Variants in ZNF292 observed in about 807,000 individuals in gnomAD.
The protein encoded by ZNF292 is zinc finger protein 292, also known as 16 zinc-finger domain protein.
ZNF292 carries 26 observed loss-of-function variants against 217.9 expected under a neutral mutation model. The observed-to-expected ratio is 0.12, with a 90% CI of 0.09 to 0.17. The LOEUF (loss-of-function observed/expected upper bound fraction) is 0.17, where lower values mean the gene tolerates loss of function less well. Among genes scored for constraint, ZNF292 ranks in the 10% least tolerant of loss-of-function variants. The pLI is 1.00. For missense variants in ZNF292, 2,904 were observed against 3,175.2 expected, an observed-to-expected ratio of 0.91 and a Z score of 2.05; for synonymous variants, 1,257 against 1,124.1, an observed-to-expected ratio of 1.12 and a Z score of -2.37.
chr6:87,208,002 G>A (rs1582420759), intron 1 of ZNF292, among the ~76,000 whole-genome samples: 1 of 152,104 alleles, frequency 6.6e-6, no homozygotes, highest in South Asian at 2.1e-4. Flanking sequence ...CTGAAAAAAT[G>A]TGCCTAGAAG....
chr6:87,220,383 A>C (rs1298672186), intron 4 of ZNF292, among the ~76,000 whole-genome samples: 1 of 152,120 alleles, frequency 6.6e-6, no homozygotes, highest in Admixed American at 6.6e-5. Flanking sequence ...AAAAGATAGG[A>C]TCCTTATTGT....
chr6:87,233,708 C>T, intron 5 of ZNF292, 181 bp downstream of exon 5: 6 of 906,176 alleles, frequency 6.6e-6, no homozygotes, highest in Non-Finnish European at 6.6e-6. Context: ...TATATGTAAA[C>T]TGATTGCACC....
chr6:87,255,418 A>G lies in ZNF292; in HGVS notation c.1789A>G (p.Lys597Glu), dbSNP rs1775154856. ...HVTLHVKQSS[K>E]ERLAAMKPLR... is the part of the protein sequence containing the mutation. ...CACACTGCATGTTAAACAATCTAGTAAAGAGAGACTAGCAGCTATGAAACC... is the reference window on the plus strand; with the variant it reads ...CACACTGCATGTTAAACAATCTAGTGAAGAGAGACTAGCAGCTATGAAACC... The change falls in exon 8 of 8, where the codon AAA (lysine) becomes GAA (glutamate). Residue 597 changes from lysine to glutamate, a missense_variant. Coordinates refer to ENST00000369577, the MANE Select transcript of ZNF292 (RefSeq NM_015021.3). The G allele has an allele frequency of 1.2e-6, 2 of 1,613,710 alleles. No individual in the cohort carries two copies. Among genetic ancestry groups the G allele is most frequent in the South Asian group, 1.1e-5 (1 of 91,070 alleles).
intron 1 of ZNF292, among the ~76,000 whole-genome samples, chr6:87,176,592 G>A (rs929095327): frequency 6.6e-6 from 1 of 152,128 alleles, no homozygotes; most frequent in African/African-American, 2.4e-5. Flanking sequence ...TTTTGGGGTA[G>A]CATTTACTGA....
In ZNF292 at chr6:87,235,219, T is replaced by C. The variant is rs190989425; in HGVS notation, c.741+1692T>C. Among the ~76,000 whole-genome samples, 13 of 126,884 alleles carry C rather than the reference T, an allele frequency of 1.0e-4. No individual in the cohort carries two copies. The Admixed American group carries it at 1.1e-3, about 11-fold the overall frequency. 83.2% of individuals were successfully genotyped at this position (126,884 alleles called of 152,430 possible). A position where few individuals can be genotyped will look rare whatever the true frequency, so the allele number is the denominator to read the frequency against. On this transcript the variant is annotated intron_variant, in intron 5 of 7. Coordinates refer to ENST00000369577, the MANE Select transcript of ZNF292 (RefSeq NM_015021.3). Reference sequence around the variant, plus strand: ...TAATTTGCAGATGTATAAAATTTATTGAAATCACCTTTGACGTGTTGTAAC... The same window carrying C: ...TAATTTGCAGATGTATAAAATTTATCGAAATCACCTTTGACGTGTTGTAAC...
chr6:87,192,372 T>A (rs1057206196), intron 1 of ZNF292, among the ~76,000 whole-genome samples: 4 of 152,020 alleles, frequency 2.6e-5, no homozygotes, highest in Non-Finnish European at 4.4e-5. Context: ...TGGTTTTTTT[T>A]TTTTAACCCT....
intron 4 of ZNF292, among the ~76,000 whole-genome samples, chr6:87,227,444 A>G (rs1314553819): frequency 6.6e-6 from 1 of 152,090 alleles, no homozygotes; most frequent in Non-Finnish European, 1.5e-5. Flanking sequence ...TTGTGGTAAA[A>G]AAAAACCACA....
At chr6:87,247,428 A>G (rs1020614165) in intron 7 of ZNF292, among the ~76,000 whole-genome samples, 2 of 152,306 alleles carry the variant, frequency 1.3e-5, no homozygotes, top group East Asian at 1.9e-4. Context: ...GGTATGTCCA[A>G]CTGGACTCTG....
At position 87,255,727 on chromosome 6, in the gene ZNF292, G is replaced by A; in HGVS notation, c.2098G>A (p.Ala700Thr). 6.2e-7 allele frequency: 1 copy of A among 1,613,326 alleles called. No individual in the cohort carries two copies. Among genetic ancestry groups the A allele is most frequent in the Non-Finnish European group, 8.5e-7 (1 of 1,179,684 alleles). Residue 700 changes from alanine (A) to threonine (T), a missense_variant, in exon 8 of 8, where the codon GCT (alanine) becomes ACT (threonine). Ala to Thr is a moderately conservative substitution (Grantham distance 58). Transcript: ENST00000369577. ...CTTTAAGTACTTTAAAAATTTAATT[G>A]CTCATGTGAAGGGGCATAAAGATAA... Reference protein sequence around the residue: ...KGFKYFKNLIAHVKGHKDNED... With the variant: ...KGFKYFKNLITHVKGHKDNED...
chr6:87,205,818 C>T (rs942549488), intron 1 of ZNF292, among the ~76,000 whole-genome samples: 4 of 152,126 alleles, frequency 2.6e-5, no homozygotes, highest in Admixed American at 2.6e-4. Flanking sequence ...TTTCTCATCT[C>T]AGTTTTATTA....
At position 87,216,141 on chromosome 6, in the gene ZNF292, A is replaced by T. The variant is rs1772758279; in HGVS notation, c.323+84A>T. The T allele has an allele frequency of 8.5e-6, 10 of 1,170,936 alleles. No homozygotes were observed. The Admixed American group carries it at 2.5e-4, about 29-fold the overall frequency. 72.5% of individuals were successfully genotyped at this position (1,170,936 alleles called of 1,614,324 possible). On this transcript the variant is annotated intron_variant, in intron 2 of 7. Coordinates refer to ENST00000369577, the MANE Select transcript of ZNF292 (RefSeq NM_015021.3). ...CACACACACACACACACACACACACACACACACACACACACAACATTAAAT... is the reference window on the plus strand; with the variant it reads ...CACACACACACACACACACACACACTCACACACACACACACAACATTAAAT...
At chr6:87,206,376 G>C (rs1209348896) in intron 1 of ZNF292, among the ~76,000 whole-genome samples, 1 of 151,964 alleles carries the variant, frequency 6.6e-6, no homozygotes, top group Non-Finnish European at 1.5e-5. Context: ...AAAGTTAAAA[G>C]AATAGTACCA....
At chr6:87,210,319 A>G (rs761163639) in intron 1 of ZNF292, among the ~76,000 whole-genome samples, 1 of 152,224 alleles carries the variant, frequency 6.6e-6, no homozygotes, top group Non-Finnish European at 1.5e-5. Context: ...TGGTATCAAA[A>G]TATCATTGAG....
Position 87,264,900 on chromosome 6 carries a change from A to T in ZNF292, c.*3099A>T, listed in dbSNP as rs2127884393. ...GAGATTAATTAGGGGGACCTAAAATAGTCCAGGCAAAAAATGATGGGAGCC... is the reference window on the plus strand; with the variant it reads ...GAGATTAATTAGGGGGACCTAAAATTGTCCAGGCAAAAAATGATGGGAGCC... On this transcript the variant is annotated 3_prime_UTR_variant, in exon 8 of 8. Transcript: ENST00000369577. 6.6e-6 allele frequency among the ~76,000 whole-genome samples: 1 copy of T among 152,344 alleles called. No individual in the cohort carries two copies. Among genetic ancestry groups the T allele is most frequent in the East Asian group, 1.9e-4 (1 of 5,184 alleles).
In ZNF292 at chr6:87,265,177, C is replaced by T. The variant is rs1165019337; in HGVS notation, c.*3376C>T. On this transcript the variant is annotated 3_prime_UTR_variant, in exon 8 of 8. Transcript: ENST00000369577. ...GCCCAGGCTGGAGTGCAGTGTTGCA[C>T]GATCTCGGCTTACTGCAACTTCTGC... 2.6e-5 allele frequency among the ~76,000 whole-genome samples: 4 copies of T among 151,874 alleles called. No homozygotes were observed. Among genetic ancestry groups the T allele is most frequent in the South Asian group, 2.1e-4 (1 of 4,810 alleles).
chr6:87,212,308 TAGG>T (rs1325081757), intron 1 of ZNF292, among the ~76,000 whole-genome samples: 2 of 152,158 alleles, frequency 1.3e-5, no homozygotes, highest in African/African-American at 4.8e-5. Context: ...TACTGTTGTT[TAGG>T]AGGTCTTGTG....
rs185463703 is a variant in ZNF292, at chr6:87,177,306, G to A, written c.168+21547G>A. On this transcript the variant is annotated intron_variant, in intron 1 of 7. Coordinates refer to ENST00000369577, the MANE Select transcript of ZNF292 (RefSeq NM_015021.3). ...CGCACCACTGTACTCCAGCCTGGGT[G>A]ACAAGCGAAACTCCATCTCAAAAAA... 1.3e-3 allele frequency among the ~76,000 whole-genome samples: 191 copies of A among 147,898 alleles called. 1 individual carries two copies. Among genetic ancestry groups the A allele is most frequent in the Non-Finnish European group, 1.7e-3 (114 of 67,432 alleles).
At chr6:87,166,462 G>A (rs971581506) in intron 1 of ZNF292, among the ~76,000 whole-genome samples, 1 of 152,216 alleles carries the variant, frequency 6.6e-6, no homozygotes, top group Non-Finnish European at 1.5e-5. Context: ...ATAGAGGGTA[G>A]TAAGAGACAC....
intron 1 of ZNF292, among the ~76,000 whole-genome samples, chr6:87,185,173 A>G (rs1334447860): frequency 6.6e-6 from 1 of 152,188 alleles, no homozygotes; most frequent in East Asian, 1.9e-4. Context: ...TTAGTTTCCA[A>G]ATAAAGACAT....
Sources: allele counts gnomAD v4.1 joint callset (sites outside exome capture counted in the v4.1 genomes callset), GRCh38; gene constraint gnomAD v4.1.1; transcripts MANE v1.5; gene names NCBI Gene and HGNC (gene_info 2026-07-23, HGNC 2026-07-21).